Variants in RAB18 observed in about 807,000 individuals in gnomAD.
RAB18 encodes RAB18, member RAS oncogene family, also known as ras-related protein Rab-18.
Under a neutral mutation model 28.5 loss-of-function variants are expected in RAB18, and 10 were observed. That is an observed-to-expected ratio of 0.35 (90% confidence interval 0.22 to 0.60). The LOEUF (loss-of-function observed/expected upper bound fraction) is 0.60, where lower values mean the gene tolerates loss of function less well. RAB18 is among the 20% of genes least tolerant of loss of function. RAB18 has a pLI of 0.78. For missense variants in RAB18, 188 were observed against 244.2 expected (o/e 0.77, Z 1.53); for synonymous variants, 93 against 86.9 (o/e 1.07, Z -0.39).
intron 4 of RAB18, 118 bp from the exon 5 acceptor site, chr10:27,533,617 C>A: frequency 8.3e-7 from 1 of 1,210,842 alleles, no homozygotes; most frequent in Non-Finnish European, 1.2e-6. Context: ...TCGTTGAAGA[C>A]AATAAAAAAA....
chr10:27,536,093 AAG>A (rs1297430346), intron 6 of RAB18, among the ~76,000 whole-genome samples: 3 of 151,790 alleles, frequency 2.0e-5, no homozygotes, highest in East Asian at 3.9e-4. Flanking sequence ...AAAAAAAAAA[AAG>A]AGAGCAATCA....
At chr10:27,509,796 G>A in intron 1 of RAB18, 79 bp from the exon 2 acceptor site, 1 of 1,191,114 alleles carries the variant, frequency 8.4e-7, no homozygotes, top group Admixed American at 1.7e-5. Context: ...AATAATTTGT[G>A]ACCAAATAAT....
intron 2 of RAB18, among the ~76,000 whole-genome samples, chr10:27,520,613 C>A (rs1451668765): frequency 2.0e-5 from 3 of 151,912 alleles, no homozygotes; most frequent in Non-Finnish European, 4.4e-5. Context: ...ATAATATATT[C>A]ATTTACAGCT....
At chr10:27,504,960 T>C in intron 1 of RAB18, 1 of 533,036 alleles carries the variant, frequency 1.9e-6, no homozygotes, top group Middle Eastern at 3.2e-4. Context: ...TAATGTCGAT[T>C]CTTTTACTTT....
At chr10:27,518,818 A>G (rs1041916576) in intron 2 of RAB18, among the ~76,000 whole-genome samples, 4 of 152,086 alleles carry the variant, frequency 2.6e-5, no homozygotes, top group Admixed American at 2.6e-4. Context: ...TGATGATTTC[A>G]GTGTTGTATC....
At chr10:27,514,509 AT>A (rs1488737649) in intron 2 of RAB18, among the ~76,000 whole-genome samples, 9 of 152,296 alleles carry the variant, frequency 5.9e-5, no homozygotes, top group Admixed American at 4.6e-4. Flanking sequence ...GATCACATAG[AT>A]AATAGAGAAC....
At position 27,538,114 on chromosome 10, in the gene RAB18, T is replaced by C; in HGVS notation, c.*63T>C. 1 of 1,593,838 alleles carries C rather than the reference T, an allele frequency of 6.3e-7. No individual in the cohort carries two copies. Among genetic ancestry groups the C allele is most frequent in the Non-Finnish European group, 8.6e-7 (1 of 1,161,818 alleles). On this transcript the variant is annotated 3_prime_UTR_variant, in exon 7 of 7. Coordinates refer to ENST00000356940, the MANE Select transcript of RAB18 (RefSeq NM_021252.5). ...TAGTGACATCTTTCTGTATATAAAC[T>C]CTTTAACTGCTATTTTAGGGACCTT...
intron 2 of RAB18, among the ~76,000 whole-genome samples, chr10:27,512,881 A>G (rs918275906): frequency 5.3e-5 from 8 of 152,058 alleles, no homozygotes; most frequent in Non-Finnish European, 7.4e-5. Context: ...TTCTGCAAAG[A>G]CAAATACTAA....
intron 3 of RAB18, among the ~76,000 whole-genome samples, chr10:27,530,897 A>G (rs1342083153): frequency 6.6e-6 from 1 of 151,996 alleles, no homozygotes; most frequent in Non-Finnish European, 1.5e-5. Flanking sequence ...TTAATGATTA[A>G]TGGACTACAA....
chr10:27,513,323 C>G (rs1834363946), intron 2 of RAB18, among the ~76,000 whole-genome samples: 2 of 152,042 alleles, frequency 1.3e-5, no homozygotes, highest in African/African-American at 4.8e-5. Context: ...GTGTGAGCCA[C>G]CACGCCCAGC....
chr10:27,510,901 A>G (rs1834310542), intron 2 of RAB18, among the ~76,000 whole-genome samples: 1 of 152,204 alleles, frequency 6.6e-6, no homozygotes, highest in Admixed American at 6.5e-5. Context: ...AATAATTCTT[A>G]TGTATCCTAT....
chr10:27,528,512 T>G (rs1337317198), intron 3 of RAB18, among the ~76,000 whole-genome samples: 1 of 152,076 alleles, frequency 6.6e-6, no homozygotes, highest in African/African-American at 2.4e-5. Context: ...AACAAAGGGA[T>G]TATATTATAT....
rs190789910 is a variant in RAB18, at chr10:27,516,321, C to T, written c.124+6391C>T. On this transcript the variant is annotated intron_variant, in intron 2 of 6. Coordinates refer to ENST00000356940, the MANE Select transcript of RAB18 (RefSeq NM_021252.5). ...CTGTAGTCTCAGCACTTTGGGAGGC[C>T]GAGGCAGGTGGATCACTGAAGGTCA... Among the ~76,000 whole-genome samples the T allele has an allele frequency of 1.4e-4, 22 of 152,004 alleles. No homozygotes were observed. In the East Asian group the frequency reaches 2.3e-3, roughly 16 times the overall value.
rs1443530146 is a variant in RAB18, at chr10:27,539,675, C to T, written c.*1624C>T. ...AGACTGTTGTTTTTTGCTCCTTGAG[C>T]TATATAATAATCTGTGTATTGGATT... On this transcript the variant is annotated 3_prime_UTR_variant, in exon 7 of 7. Coordinates refer to ENST00000356940, the MANE Select transcript of RAB18 (RefSeq NM_021252.5). 8.8e-6 allele frequency: 4 copies of T among 453,330 alleles called. No homozygotes were observed. Among genetic ancestry groups the T allele is most frequent in the South Asian group, 6.2e-5 (4 of 64,268 alleles). 28.1% of individuals were successfully genotyped at this position (453,330 alleles called of 1,614,324 possible).
At chr10:27,517,438 C>G (rs1260540008) in intron 2 of RAB18, among the ~76,000 whole-genome samples, 1 of 152,022 alleles carries the variant, frequency 6.6e-6, no homozygotes, top group African/African-American at 2.4e-5. Flanking sequence ...TAGATAGACC[C>G]AAAAGATACA....
intron 3 of RAB18, chr10:27,528,348 AG>A (rs1191594580): frequency 2.1e-6 from 1 of 485,838 alleles, no homozygotes; most frequent in East Asian, 5.7e-5. Flanking sequence ...AGAATAATAC[AG>A]GGTCATTCTA....
In RAB18 at chr10:27,538,735, C is replaced by G. The variant is rs985722601; in HGVS notation, c.*684C>G. 9 of 453,958 alleles carry G rather than the reference C, an allele frequency of 2.0e-5. No homozygotes were observed. The highest frequency in any genetic ancestry group is 1.6e-4 in the African/African-American group (8 of 49,986). 28.1% of individuals were successfully genotyped at this position (453,958 alleles called of 1,614,324 possible). ...TGTGATATGTACATTGGATTCATGA[C>G]TGTGCAGCATTTTTAGTTATGTGGT... On this transcript the variant is annotated 3_prime_UTR_variant, in exon 7 of 7. Transcript: ENST00000356940.
chr10:27,530,076 T>A (rs557068564), intron 3 of RAB18, among the ~76,000 whole-genome samples: 110 of 152,094 alleles, frequency 7.2e-4, no homozygotes, highest in African/African-American at 2.6e-3. Flanking sequence ...ATTAAGGCAG[T>A]TTTTGAAGTT....
chr10:27,532,656 T>C, intron 4 of RAB18, 77 bp downstream of exon 4: 3 of 1,161,658 alleles, frequency 2.6e-6, no homozygotes, highest in Non-Finnish European at 1.3e-6. Flanking sequence ...AAAGTTAATA[T>C]GTCTTTGTTT....
Sources: gnomAD v4.1 joint callset for allele counts (sites outside exome capture counted in the v4.1 genomes callset) on GRCh38, gnomAD v4.1.1 for gene constraint, MANE v1.5 for transcripts, NCBI Gene and HGNC (gene_info 2026-07-23, HGNC 2026-07-21) for gene names.